Variants in ABR observed in about 807,000 individuals in gnomAD.
The protein encoded by ABR is ABR activator of RhoGEF and GTPase.
Under a neutral mutation model 107.2 loss-of-function variants are expected in ABR, and 35 were observed. The observed-to-expected ratio is 0.33, with a 90% CI of 0.25 to 0.43. The LOEUF is 0.43. Among genes scored for constraint, ABR ranks in the 20% least tolerant of loss-of-function variants. The pLI is 1.00. For missense variants in ABR, 815 were observed against 1,115.2 expected (o/e 0.73, Z 3.83); for synonymous variants, 498 against 462.0 (o/e 1.08, Z -1.00).
At chr17:1,158,038 G>A (rs2041116984) in intron 1 of ABR, among the ~76,000 whole-genome samples, 1 of 152,104 alleles carries the variant, frequency 6.6e-6, no homozygotes, top group Non-Finnish European at 1.5e-5. Flanking sequence ...TTTCCACTAT[G>A]GATTCTCTTC....
In ABR at chr17:1,148,247, G is replaced by A. The variant is rs531729804; in HGVS notation, c.62-22880C>T. 1.3e-5 allele frequency among the ~76,000 whole-genome samples: 2 copies of A among 152,350 alleles called. No individual in the cohort carries two copies. Among genetic ancestry groups the A allele is most frequent in the East Asian group, 1.9e-4 (1 of 5,194 alleles). Reference sequence around the variant, plus strand: ...ACAAAACGCGGCCTTTACATAAAACGGATATTATTCGGCTTATATTCCGAC... The same window carrying A: ...ACAAAACGCGGCCTTTACATAAAACAGATATTATTCGGCTTATATTCCGAC... On this transcript the variant is annotated intron_variant, in intron 1 of 22. Transcript: ENST00000302538. This position sits in a 1 kb window ranked among gnomAD's most constrained non-coding sequence, Gnocchi z 4.9.
At chr17:1,057,306 GT>G (rs149516150) in intron 12 of ABR, among the ~76,000 whole-genome samples, 4 of 16,214 alleles carry the variant, frequency 2.5e-4, no homozygotes, top group Non-Finnish European at 5.1e-4. Context: ...AACTGAAGAG[GT>G]TTGTGTGTGT....
intron 16 of ABR, among the ~76,000 whole-genome samples, chr17:1,023,924 C>A (rs2071935277): frequency 6.8e-6 from 1 of 147,914 alleles, no homozygotes; most frequent in Non-Finnish European, 1.5e-5. Context: ...ACTCAGGGGG[C>A]TGAGGCAGGA....
Position 1,037,746 on chromosome 17 carries a change from GGT to G in ABR, c.1791+12302_1791+12303del, listed in dbSNP as rs1282075004. On this transcript the variant is annotated intron_variant, in intron 16 of 22. Transcript: ENST00000302538. The surrounding 1 kb of genome is among the most constrained non-coding windows in gnomAD (Gnocchi z 4.6). The stretch of plus-strand genomic sequence containing the variant: ...GAGGCAGGAGGGGCTGAGGCCTGAA[GGT>G]GGGATGGGGTCGCCGAGCCTCCCTG... Among the ~76,000 whole-genome samples, 4 of 152,140 alleles carry G rather than the reference GGT, an allele frequency of 2.6e-5. No individual in the cohort carries two copies. Among genetic ancestry groups the G allele is most frequent in the African/African-American group, 4.8e-5 (2 of 41,436 alleles).
intron 21 of ABR, among the ~76,000 whole-genome samples, chr17:1,008,733 G>A (rs747880345): frequency 1.6e-4 from 25 of 152,236 alleles, no homozygotes; most frequent in Non-Finnish European, 3.1e-4. Flanking sequence ...CTGAGCTCAG[G>A]GAAGAATTGT....
At chr17:1,146,820 C>T (rs2040565650) in intron 1 of ABR, among the ~76,000 whole-genome samples, 2 of 143,618 alleles carry the variant, frequency 1.4e-5, no homozygotes, top group Non-Finnish European at 3.1e-5. Flanking sequence ...CAGGCCACCA[C>T]TGCCACACGA....
intron 1 of ABR, among the ~76,000 whole-genome samples, chr17:1,144,829 G>C (rs2040464364): frequency 6.6e-6 from 1 of 152,172 alleles, no homozygotes; most frequent in Admixed American, 6.5e-5. Flanking sequence ...AGGAGTTTGA[G>C]ACCAACATGG....
chr17:1,212,896 AAAAG>A (rs905947581), intron 1 of ABR, among the ~76,000 whole-genome samples: 4 of 152,132 alleles, frequency 2.6e-5, no homozygotes, highest in Non-Finnish European at 4.4e-5. Flanking sequence ...CTAAAAAAAA[AAAAG>A]AGAGAGAGAG....
At chr17:1,195,119 A>G (rs1333479381) in intron 1 of ABR, among the ~76,000 whole-genome samples, 13 of 143,668 alleles carry the variant, frequency 9.0e-5, no homozygotes, top group African/African-American at 2.5e-4. Context: ...CATCCTGGCT[A>G]ACACGGTGAA....
chr17:1,167,048 C>T (rs1297568052), intron 1 of ABR, among the ~76,000 whole-genome samples: 5 of 151,986 alleles, frequency 3.3e-5, no homozygotes, highest in South Asian at 4.1e-4. Context: ...ATCTGAGCTC[C>T]GGACCTGCCA....
chr17:1,133,705 C>CAG (rs1258184264), intron 1 of ABR, among the ~76,000 whole-genome samples: 1 of 152,212 alleles, frequency 6.6e-6, no homozygotes, highest in African/African-American at 2.4e-5. Context: ...AGGGCACTGG[C>CAG]AGACACCCGA....
At chr17:1,062,743 C>T (rs865946541) in intron 10 of ABR, among the ~76,000 whole-genome samples, 1,238 of 107,456 alleles carry the variant, frequency 0.012, no homozygotes, top group Middle Eastern at 0.027. Context: ...TTCCTCTAGA[C>T]ACTGTTGTTA....
intron 10 of ABR, among the ~76,000 whole-genome samples, chr17:1,061,206 T>A (rs1356529594): frequency 1.3e-5 from 2 of 151,174 alleles, no homozygotes; most frequent in Admixed American, 6.6e-5. Context: ...GACTGTTGAC[T>A]CGACTGGGCA....
intron 2 of ABR, chr17:1,109,101 G>C: frequency 6.3e-7 from 1 of 1,588,426 alleles, no homozygotes; most frequent in Non-Finnish European, 8.6e-7. Flanking sequence ...CAGACAGGAA[G>C]CGGGGTCCAC....
chr17:1,195,255 G>A (rs79153408), intron 1 of ABR, among the ~76,000 whole-genome samples: 13 of 127,310 alleles, frequency 1.0e-4, no homozygotes, highest in East Asian at 3.0e-4. Context: ...TGCAGTGAGC[G>A]GAGATCGCGC....
intron 1 of ABR, among the ~76,000 whole-genome samples, chr17:1,198,289 G>GTACACGTGGCACGT (rs2042607943): frequency 6.6e-6 from 1 of 151,548 alleles, no homozygotes; most frequent in East Asian, 1.9e-4. Flanking sequence ...CCCAACGTCG[G>GTACACGTGGCACGT]TACACGTGGC....
intron 2 of ABR, among the ~76,000 whole-genome samples, chr17:1,101,737 T>G (rs1417983356): frequency 6.7e-6 from 1 of 150,350 alleles, no homozygotes; most frequent in Non-Finnish European, 1.5e-5. Flanking sequence ...ATTTTTTCTT[T>G]TTTTTTTTTT....
chr17:1,006,139 G>A lies in ABR; in HGVS notation c.2521C>T (p.Pro841Ser). The A allele has an allele frequency of 3.8e-6, 6 of 1,587,054 alleles. No homozygotes were observed. Among genetic ancestry groups the A allele is most frequent in the Non-Finnish European group, 5.1e-6 (6 of 1,166,396 alleles). The part of the protein sequence containing the change: ...VQVLLYYLQH[P>S]PISFAELKRN... ...TTGAGTTCTGCGAAGGAAATGGGGG[G>A]GTGCTGCAGGTAGTAGAGGAGGACC... Residue 841 changes from proline (P) to serine (S), a missense_variant, in exon 23 of 23, where the codon CCC (proline) becomes TCC (serine). Physicochemically the swap from Pro to Ser is moderately conservative, Grantham distance 74. This residue lies in a region of ABR where 34 missense variants were observed against 26.8 expected (regional missense o/e 1.27). Transcript: ENST00000302538.
intron 3 of ABR, among the ~76,000 whole-genome samples, chr17:1,095,345 C>T (rs1866066735): frequency 6.6e-6 from 1 of 152,216 alleles, no homozygotes; most frequent in Non-Finnish European, 1.5e-5. Flanking sequence ...TCAGATGGTT[C>T]TCATGACACG....
Sources: gnomAD v4.1 joint callset for allele counts (sites outside exome capture counted in the v4.1 genomes callset) on GRCh38, gnomAD v4.1.1 for gene constraint, gnomAD v4.1.1 regional missense constraint, Gnocchi (gnomAD v3.1) non-coding constraint, MANE v1.5 for transcripts, NCBI Gene and HGNC (gene_info 2026-07-23, HGNC 2026-07-21) for gene names.